The following RBMS3 variants were observed in gnomAD, a reference collection of about 807,000 sequenced individuals.
RBMS3 encodes RNA binding motif single stranded interacting protein 3, also known as RNA-binding motif, single-stranded-interacting protein 3.
In RBMS3, 27 loss-of-function variants were observed where a neutral mutation model predicts 66.8. The ratio of observed to expected loss-of-function variants is 0.40; its 90% confidence interval spans 0.30 to 0.56. The LOEUF is 0.56. Among genes scored for constraint, RBMS3 ranks in the 20% least tolerant of loss-of-function variants. The probability of loss-of-function intolerance (pLI) is 0.40; values close to 1 mark genes in which losing one functional copy is unlikely to be tolerated. For missense variants in RBMS3, 513 were observed against 549.5 expected (o/e 0.93, Z 0.66); for synonymous variants, 188 against 183.0 (o/e 1.03, Z -0.22).
intron 4 of RBMS3, among the ~76,000 whole-genome samples, chr3:29,639,606 A>G (rs995281883): frequency 6.6e-6 from 1 of 151,650 alleles, no homozygotes; most frequent in Non-Finnish European, 1.5e-5. Context: ...AGAGAGAGAG[A>G]GAGAGAGAGA....
At chr3:29,920,799 C>T (rs1023677336) in intron 10 of RBMS3, among the ~76,000 whole-genome samples, 1 of 149,938 alleles carries the variant, frequency 6.7e-6, no homozygotes, top group Non-Finnish European at 1.5e-5. Context: ...CATGGCGAAA[C>T]CCCGTCTCTA....
intron 6 of RBMS3, among the ~76,000 whole-genome samples, chr3:29,850,557 T>C (rs1426603579): frequency 6.6e-6 from 1 of 152,300 alleles, no homozygotes; most frequent in East Asian, 1.9e-4. Flanking sequence ...TTCTATCCTG[T>C]TCTCCATTTT....
intron 11 of RBMS3, among the ~76,000 whole-genome samples, chr3:29,941,467 ATAT>A (rs1475969879): frequency 6.6e-6 from 1 of 151,832 alleles, no homozygotes; most frequent in Non-Finnish European, 1.5e-5. Context: ...TTAGGAAAAA[ATAT>A]TAATTAAAAC....
chr3:29,439,008 A>G (rs2041507714), intron 2 of RBMS3, among the ~76,000 whole-genome samples: 1 of 152,214 alleles, frequency 6.6e-6, no homozygotes, highest in Non-Finnish European at 1.5e-5. Context: ...TTAGAAGGAT[A>G]AATAGATTTA....
chr3:29,678,814 T>C (rs2051365972), intron 4 of RBMS3, among the ~76,000 whole-genome samples: 1 of 152,120 alleles, frequency 6.6e-6, no homozygotes, highest in Non-Finnish European at 1.5e-5. Context: ...AGATTCAACA[T>C]ATGGAGTCCA....
chr3:29,691,931 T>TTATCTCTC (rs2052027675), intron 4 of RBMS3, among the ~76,000 whole-genome samples: 1 of 114,860 alleles, frequency 8.7e-6, no homozygotes, highest in African/African-American at 3.3e-5. Flanking sequence ...TGTGTGACCC[T>TTATCTCTC]TCTCTCTCTC....
chr3:29,442,695 C>T (rs1178289183), intron 2 of RBMS3, among the ~76,000 whole-genome samples: 2 of 152,084 alleles, frequency 1.3e-5, no homozygotes, highest in Non-Finnish European at 2.9e-5. Context: ...GTTCAGATGG[C>T]ATCCTGGTTT....
At chr3:29,515,573 G>C (rs2044589594) in intron 3 of RBMS3, among the ~76,000 whole-genome samples, 1 of 152,198 alleles carries the variant, frequency 6.6e-6, no homozygotes, top group Non-Finnish European at 1.5e-5. Flanking sequence ...CCTTTCTCTT[G>C]CATTCATGTG....
chr3:29,806,154 A>G (rs2057540773), intron 6 of RBMS3, among the ~76,000 whole-genome samples: 1 of 152,040 alleles, frequency 6.6e-6, no homozygotes, highest in African/African-American at 2.4e-5. Context: ...TTCCCTTCTC[A>G]GAGAACTCGA....
chr3:29,696,256 G>T (rs1340637057), intron 4 of RBMS3, among the ~76,000 whole-genome samples: 4 of 152,098 alleles, frequency 2.6e-5, no homozygotes, highest in Admixed American at 2.0e-4. Context: ...TCTTTAAAAT[G>T]GGGATTATAT....
intron 12 of RBMS3, among the ~76,000 whole-genome samples, chr3:29,980,383 G>A (rs746103625): frequency 1.9e-4 from 29 of 152,282 alleles, no homozygotes; most frequent in Non-Finnish European, 3.1e-4. Context: ...TCTGTAGGTC[G>A]CGTGTTCACT....
At position 29,897,399 on chromosome 3, in the gene RBMS3, G is replaced by A. The variant is rs748774302; in HGVS notation, c.812G>A (p.Ser271Asn). Residue 271 changes from serine to asparagine, a missense_variant, in exon 9 of 15, where the codon AGT (serine) becomes AAT (asparagine). Ser to Asn is a conservative substitution (Grantham distance 46, BLOSUM62 1). Transcript: ENST00000383767. Reference sequence around the variant, plus strand: ...TGCAGATTTTATTCTTCACCGTACAGTATTGCAACCAACCGCATGATTCCA... The same window carrying A: ...TGCAGATTTTATTCTTCACCGTACAATATTGCAACCAACCGCATGATTCCA... ...IQNGFYSSPY[S>N]IATNRMIPQT... is the part of the protein sequence containing the mutation. 3.7e-6 allele frequency: 6 copies of A among 1,610,936 alleles called. No individual in the cohort carries two copies. The South Asian group carries it at 6.6e-5, about 18-fold the overall frequency.
intron 3 of RBMS3, among the ~76,000 whole-genome samples, chr3:29,560,726 GT>G (rs1322229338): frequency 6.6e-6 from 1 of 152,194 alleles, no homozygotes; most frequent in Admixed American, 6.5e-5. Flanking sequence ...TATAAACTCT[GT>G]TTTTTAAATG....
intron 4 of RBMS3, among the ~76,000 whole-genome samples, chr3:29,729,502 C>T (rs959634268): frequency 6.6e-6 from 1 of 152,046 alleles, no homozygotes; most frequent in African/African-American, 2.4e-5. Flanking sequence ...GGTATATACC[C>T]AGTAATAGGA....
At chr3:29,789,473 T>C (rs1383607685) in intron 6 of RBMS3, among the ~76,000 whole-genome samples, 1 of 152,140 alleles carries the variant, frequency 6.6e-6, no homozygotes, top group East Asian at 1.9e-4. Context: ...GTTCTACTAT[T>C]GAATAATACA....
intron 3 of RBMS3, among the ~76,000 whole-genome samples, chr3:29,562,140 C>T (rs1229889796): frequency 6.6e-6 from 1 of 151,978 alleles, no homozygotes; most frequent in African/African-American, 2.4e-5. Context: ...ATTAGAAATC[C>T]AAGATTTTGA....
At chr3:29,829,270 C>A (rs1325139836) in intron 6 of RBMS3, among the ~76,000 whole-genome samples, 1 of 152,092 alleles carries the variant, frequency 6.6e-6, no homozygotes, top group Non-Finnish European at 1.5e-5. Context: ...GTCTTGAACT[C>A]ATGACCTCAG....
rs115273789 is a variant in RBMS3 at position 29,421,827 on chromosome 3, C to G, written c.76-12916C>G. Among the ~76,000 whole-genome samples, 664 of 151,994 alleles carry G rather than the reference C, an allele frequency of 4.4e-3. 3 individuals are homozygous for G. Among genetic ancestry groups the G allele is most frequent in the African/African-American group, 0.015 (617 of 41,324 alleles). ...TATAATCTAGAGAATTTCATTCTGA[C>G]AAGCATCAATGGACTTTTTACTTTG... On this transcript the variant is annotated intron_variant, in intron 1 of 14. Coordinates refer to ENST00000383767, the MANE Select transcript of RBMS3 (RefSeq NM_001003793.3).
chr3:29,594,530 A>G (rs931739022), intron 4 of RBMS3, among the ~76,000 whole-genome samples: 2 of 152,212 alleles, frequency 1.3e-5, no homozygotes, highest in Admixed American at 1.3e-4. Context: ...TCCTAAAATG[A>G]ATATTTGTAT....
Sources: allele counts gnomAD v4.1 joint callset (sites outside exome capture counted in the v4.1 genomes callset), GRCh38; gene constraint gnomAD v4.1.1; transcripts MANE v1.5; gene names NCBI Gene and HGNC (gene_info 2026-07-23, HGNC 2026-07-21).